The following GMNC variants were observed in gnomAD, a reference collection of about 807,000 sequenced individuals.
GMNC encodes the protein geminin coiled-coil domain-containing protein 1.
Under a neutral mutation model 33.6 loss-of-function variants are expected in GMNC, and 16 were observed. The ratio of observed to expected loss-of-function variants is 0.48; its 90% CI spans 0.32 to 0.72. The LOEUF is 0.72. Ranked by LOEUF, GMNC falls within the 30% of genes least tolerant of loss-of-function variation. GMNC has a pLI of 0.03. For missense variants in GMNC, 393 were observed against 388.9 expected (o/e 1.01, Z -0.09); for synonymous variants, 156 against 147.3 (o/e 1.06, Z -0.43).
At chr3:190,849,179 T>G (rs11914974), downstream of GMNC, among the ~76,000 whole-genome samples, 1,587 of 152,258 alleles carry the variant, frequency 0.01, 28 homozygotes, top group African/African-American at 0.037. Flanking sequence ...ACAACAGGAT[T>G]GGCTAGGTGG....
In GMNC at chr3:190,854,896, T is replaced by G; in HGVS notation, c.*399A>C. 1 of 186,508 alleles carries G rather than the reference T, an allele frequency of 5.4e-6. No individual in the cohort carries two copies. The highest frequency in any genetic ancestry group is 1.1e-5 in the Non-Finnish European group (1 of 87,326). 11.6% of individuals were successfully genotyped at this position (186,508 alleles called of 1,614,324 possible). ...TCATTCTAAAGACAGTTTTCAGAAATGACAAAGGGAGAAAAGTAAAAGGGC... is the reference window on the plus strand; with the variant it reads ...TCATTCTAAAGACAGTTTTCAGAAAGGACAAAGGGAGAAAAGTAAAAGGGC... On this transcript the variant is annotated 3_prime_UTR_variant, in exon 5 of 5. Coordinates refer to ENST00000442080, the MANE Select transcript of GMNC (RefSeq NM_001146686.3).
intron 3 of GMNC, among the ~76,000 whole-genome samples, chr3:190,858,399 T>C (rs984939628): frequency 6.6e-6 from 1 of 152,054 alleles, no homozygotes; most frequent in Non-Finnish European, 1.5e-5. Context: ...CATGTTTAAA[T>C]AAATAAATAA....
chr3:190,843,596 G>T, the GMNC span, among the ~76,000 whole-genome samples: 1 of 152,210 alleles, frequency 6.6e-6, no homozygotes, highest in Non-Finnish European at 1.5e-5. Flanking sequence ...GAAGGAAATT[G>T]TGTCCCAGGC....
rs1208761418 is a variant in GMNC, at chr3:190,860,667, A to G, written c.178+17T>C. 1.3e-6 allele frequency: 2 copies of G among 1,537,620 alleles called. No homozygotes were observed. Among genetic ancestry groups the G allele is most frequent in the South Asian group, 2.4e-5 (2 of 82,738 alleles). On this transcript the variant is annotated intron_variant, in intron 2 of 4. Coordinates refer to ENST00000442080, the MANE Select transcript of GMNC (RefSeq NM_001146686.3). ...AGAGCTCCAGATCTATCAGGGAAGCAGAAGAGCAGAACTTACCCTGTGCCT... is the reference window on the plus strand; with the variant it reads ...AGAGCTCCAGATCTATCAGGGAAGCGGAAGAGCAGAACTTACCCTGTGCCT...
At chr3:190,844,816 CTT>C in the GMNC span, among the ~76,000 whole-genome samples, 1 of 151,984 alleles carries the variant, frequency 6.6e-6, no homozygotes, top group African/African-American at 2.4e-5. Context: ...TTTGAATACA[CTT>C]AACAGAAATC....
intron 4 of GMNC, among the ~76,000 whole-genome samples, chr3:190,857,183 G>A (rs1430198601): frequency 6.6e-6 from 1 of 150,414 alleles, no homozygotes; most frequent in African/African-American, 2.4e-5. Flanking sequence ...CTACTGGCAA[G>A]TTATTTATCC....
At chr3:190,845,433 A>G in the GMNC span, among the ~76,000 whole-genome samples, 1 of 151,952 alleles carries the variant, frequency 6.6e-6, no homozygotes, top group East Asian at 1.9e-4. Flanking sequence ...AGTTCTTTAT[A>G]GCAGTGTGGA....
chr3:190,845,537 T>C, the GMNC span, among the ~76,000 whole-genome samples: 1 of 138,146 alleles, frequency 7.2e-6, no homozygotes, highest in Non-Finnish European at 1.5e-5. Context: ...TGAGACTGAG[T>C]CTCGCTCTAT....
chr3:190,845,640 G>A, the GMNC span, among the ~76,000 whole-genome samples: 1 of 150,330 alleles, frequency 6.7e-6, no homozygotes, highest in Non-Finnish European at 1.5e-5. Context: ...CTCCCGAGTA[G>A]CTGGGATTAC....
Position 190,855,492 on chromosome 3 carries a change from A to G in GMNC, c.808T>C (p.Ser270Pro), listed in dbSNP as rs1446489064. 5.2e-6 allele frequency: 8 copies of G among 1,551,746 alleles called. No individual in the cohort carries two copies. The highest frequency in any genetic ancestry group is 2.4e-5 in the East Asian group (1 of 40,930). ...GTTTTCAGCCCCACTGGGGGATTTG[A>G]AAGTTGAGAAAGGATGTGGAAATCT... ...GEDFHILSQLSNPPVGLKTLP... is the reference protein window; with the variant it reads ...GEDFHILSQLPNPPVGLKTLP... The change falls in exon 5 of 5, where the codon TCA becomes CCA. Residue 270 changes from serine to proline, a missense_variant. Physicochemically the swap from Ser to Pro is moderately conservative, Grantham distance 74. Coordinates refer to ENST00000442080, the MANE Select transcript of GMNC (RefSeq NM_001146686.3).
rs1737657875 is a variant in GMNC, at chr3:190,852,886, A to G, written c.*2409T>C. ...ACAAGTAAAACATATACTCAGGTGA[A>G]AGAAATGTTTAATTTCTAAAACATG... is the stretch of plus-strand genomic sequence containing the variant. On this transcript the variant is annotated 3_prime_UTR_variant, in exon 5 of 5. Coordinates refer to ENST00000442080, the MANE Select transcript of GMNC (RefSeq NM_001146686.3). The G allele has an allele frequency of 6.6e-6, 1 of 152,178 alleles. No individual in the cohort carries two copies. Among genetic ancestry groups the G allele is most frequent in the Non-Finnish European group, 1.5e-5 (1 of 67,990 alleles). The allele number at this position is 152,178 out of a possible 1,614,324, so 9.4% of individuals were successfully genotyped here.
chr3:190,857,487 CATCT>C (rs1485381062), intron 4 of GMNC, among the ~76,000 whole-genome samples: 1 of 152,080 alleles, frequency 6.6e-6, no homozygotes, highest in South Asian at 2.1e-4. Flanking sequence ...GCATTCCATC[CATCT>C]AATTCTGCCT....
At chr3:190,846,407 GTAAT>G in the GMNC span, among the ~76,000 whole-genome samples, 8 of 151,854 alleles carry the variant, frequency 5.3e-5, no homozygotes, top group Admixed American at 6.6e-5. Context: ...TTATGAAAAA[GTAAT>G]TATAAACTTA....
downstream of GMNC, among the ~76,000 whole-genome samples, chr3:190,849,146 T>G (rs1368587191): frequency 2.0e-5 from 3 of 152,156 alleles, no homozygotes; most frequent in Non-Finnish European, 4.4e-5. Flanking sequence ...TAATTACAAC[T>G]ATTGTGGAAA....
At chr3:190,850,505 C>A (rs563092298), downstream of GMNC, among the ~76,000 whole-genome samples, 1 of 152,326 alleles carries the variant, frequency 6.6e-6, no homozygotes, top group African/African-American at 2.4e-5. Context: ...TGAAGAAATT[C>A]GTGTCCGTTT....
At chr3:190,859,106 AG>A in intron 2 of GMNC, 90 bp from the exon 3 acceptor site, 1 of 773,744 alleles carries the variant, frequency 1.3e-6, no homozygotes, top group Non-Finnish European at 2.1e-6. Flanking sequence ...AAAGTTTAAT[AG>A]GTTCAATTAT....
At position 190,852,828 on chromosome 3, in the gene GMNC, C is replaced by T. The variant is rs976481269; in HGVS notation, c.*2467G>A. 1 of 152,140 alleles carries T rather than the reference C, an allele frequency of 6.6e-6. No individual in the cohort carries two copies. The highest frequency in any genetic ancestry group is 2.1e-4 in the South Asian group (1 of 4,834). The allele number at this position is 152,140 out of a possible 1,614,324, so 9.4% of individuals were successfully genotyped here. A position where few individuals can be genotyped will look rare whatever the true frequency, so the allele number is the denominator to read the frequency against. On this transcript the variant is annotated 3_prime_UTR_variant, in exon 5 of 5. Coordinates refer to ENST00000442080, the MANE Select transcript of GMNC (RefSeq NM_001146686.3). ...TTCCCACTATAGCTTAAAATATTAA[C>T]TGTGGTTTACCAGAGAGACATGGTG...
At chr3:190,858,104 T>C (rs939208221) in intron 3 of GMNC, 2 of 559,762 alleles carry the variant, frequency 3.6e-6, no homozygotes, top group African/African-American at 3.7e-5. Context: ...TGAATGTTCA[T>C]TCATTGCAAA....
chr3:190,847,223 G>A, the GMNC span, among the ~76,000 whole-genome samples: 1,588 of 152,234 alleles, frequency 0.01, 27 homozygotes, highest in African/African-American at 0.037. Context: ...ACCTAGGGTT[G>A]TATCTATTGC....
Sources: allele counts gnomAD v4.1 joint callset (sites outside exome capture counted in the v4.1 genomes callset), GRCh38; gene constraint gnomAD v4.1.1; transcripts MANE v1.5; gene names NCBI Gene and HGNC (gene_info 2026-07-23, HGNC 2026-07-21).